BAIAP2L1: variants seen among roughly 807,000 people sequenced by gnomAD.
BAIAP2L1 encodes the protein BAR/IMD domain containing adaptor protein 2 like 1.
In BAIAP2L1, 35 loss-of-function variants were observed where a neutral mutation model predicts 66.3. The ratio of observed to expected loss-of-function variants is 0.53; its 90% confidence interval spans 0.40 to 0.70. BAIAP2L1 has a LOEUF of 0.70. BAIAP2L1 is among the 30% of genes least tolerant of loss of function. The pLI, the probability that BAIAP2L1 is intolerant of heterozygous loss-of-function variation, is 0.00. For missense variants in BAIAP2L1, 622 were observed against 656.9 expected, an observed-to-expected ratio of 0.95 and a Z score of 0.58; for synonymous variants, 269 against 248.7, an observed-to-expected ratio of 1.08 and a Z score of -0.77.
At chr7:98,294,787 T>C (rs952546178) in intron 12 of BAIAP2L1, among the ~76,000 whole-genome samples, 20 of 152,202 alleles carry the variant, frequency 1.3e-4, no homozygotes, top group African/African-American at 4.8e-4. Flanking sequence ...CCAGGGATCT[T>C]GTAGGAAGCT....
chr7:98,298,213 C>G (rs1031049291), intron 12 of BAIAP2L1, among the ~76,000 whole-genome samples: 2 of 152,224 alleles, frequency 1.3e-5, no homozygotes, highest in Non-Finnish European at 1.5e-5. Context: ...TGGGGCTTCC[C>G]AGGTGAGTGG....
intron 1 of BAIAP2L1, among the ~76,000 whole-genome samples, chr7:98,393,071 G>GTATA (rs372759485): frequency 3.6e-4 from 45 of 125,560 alleles, no homozygotes; most frequent in South Asian, 5.4e-4. Flanking sequence ...ACACATATAT[G>GTATA]TATACACACA....
intron 3 of BAIAP2L1, chr7:98,323,299 A>G (rs1801298235): frequency 6.6e-6 from 1 of 152,188 alleles, no homozygotes; most frequent in Admixed American, 6.5e-5. Context: ...TTAAACCCAC[A>G]AACAATTCCT....
intron 1 of BAIAP2L1, 59 bp from the exon 2 acceptor site, chr7:98,362,491 A>C (rs542633623): frequency 6.8e-7 from 1 of 1,462,538 alleles, no homozygotes; most frequent in East Asian, 2.3e-5. Context: ...AGTCATCTTC[A>C]GATTTTGTCA....
chr7:98,292,664 A>G lies in BAIAP2L1; in HGVS notation c.*857T>C, dbSNP rs1584404936. On this transcript the variant is annotated 3_prime_UTR_variant, in exon 14 of 14. Transcript: ENST00000005260. ...GCACCAGAGGTCATCCTGGCTTTAC[A>G]CGTATCCTTTGAGAGTCTGTACCTG... 1 of 1,551,648 alleles carries G rather than the reference A, an allele frequency of 6.4e-7. No homozygotes were observed. Among genetic ancestry groups the G allele is most frequent in the Non-Finnish European group, 8.7e-7 (1 of 1,146,994 alleles).
chr7:98,371,449 C>G (rs1377395249), intron 1 of BAIAP2L1, among the ~76,000 whole-genome samples: 2 of 152,142 alleles, frequency 1.3e-5, no homozygotes, highest in Non-Finnish European at 2.9e-5. Flanking sequence ...TAGTGATTAG[C>G]TATTCTAAAT....
At position 98,317,308 on chromosome 7, in the gene BAIAP2L1, AAG is replaced by A. The variant is rs779217526; in HGVS notation, c.395_396del (p.Ser132PhefsTer7). On this transcript the variant is annotated frameshift_variant, in exon 6 of 14. Transcript: ENST00000005260. LOFTEE classifies it high-confidence loss of function. ...TTCAACTCAGCTTGGGATTTCTCCA[AAG>A]ACTCTAATTTATTCTTGTGTTCTGT... ...YQTEHKNKLE[S>X]LEKSQAELKK... 1 of 1,614,208 alleles carries A rather than the reference AAG, an allele frequency of 6.2e-7. No individual in the cohort carries two copies. The highest frequency in any genetic ancestry group is 8.5e-7 in the Non-Finnish European group (1 of 1,180,030).
chr7:98,395,479 G>A (rs1287052162), intron 1 of BAIAP2L1, among the ~76,000 whole-genome samples: 1 of 151,756 alleles, frequency 6.6e-6, no homozygotes, highest in Admixed American at 6.6e-5. Context: ...ACCCTTGGAG[G>A]GGTGCAGCGA....
chr7:98,370,402 TAC>T (rs1262380188), intron 1 of BAIAP2L1, among the ~76,000 whole-genome samples: 1 of 147,274 alleles, frequency 6.8e-6, no homozygotes, highest in East Asian at 2.1e-4. Flanking sequence ...GATTTGCAAC[TAC>T]AGTTTGTAGT....
chr7:98,307,643 G>T, intron 10 of BAIAP2L1, 46 bp downstream of exon 10: 1 of 1,606,342 alleles, frequency 6.2e-7, no homozygotes. Context: ...CTCTGGAAGG[G>T]AGGGGCCGTC....
At chr7:98,324,732 T>TA (rs979692836) in intron 3 of BAIAP2L1, among the ~76,000 whole-genome samples, 8 of 152,174 alleles carry the variant, frequency 5.3e-5, no homozygotes, top group African/African-American at 1.9e-4. Context: ...AACATGCCTG[T>TA]AGTCCCAGCT....
intron 3 of BAIAP2L1, among the ~76,000 whole-genome samples, chr7:98,334,758 C>A (rs1457896212): frequency 1.1e-4 from 17 of 151,610 alleles, no homozygotes; most frequent in African/African-American, 3.6e-4. Flanking sequence ...ATTGGTCAGG[C>A]TGGTCTCGAA....
chr7:98,324,945 A>G (rs1170123821), intron 3 of BAIAP2L1, among the ~76,000 whole-genome samples: 1 of 152,246 alleles, frequency 6.6e-6, no homozygotes, highest in African/African-American at 2.4e-5. Flanking sequence ...AACCTGCTTC[A>G]TTTCCAGAGA....
intron 3 of BAIAP2L1, among the ~76,000 whole-genome samples, chr7:98,321,630 C>CCT (rs1346790179): frequency 6.6e-6 from 1 of 152,174 alleles, no homozygotes; most frequent in Non-Finnish European, 1.5e-5. Context: ...TGAACAAGGG[C>CCT]CTCTCTCTGC....
At chr7:98,358,506 C>T (rs1414035622) in intron 2 of BAIAP2L1, among the ~76,000 whole-genome samples, 1 of 151,670 alleles carries the variant, frequency 6.6e-6, no homozygotes, top group Admixed American at 6.6e-5. Context: ...TACAGGTGCA[C>T]GCCACCACAC....
In BAIAP2L1 at chr7:98,293,214, T is replaced by A. The variant is rs1800043824; in HGVS notation, c.*307A>T. On this transcript the variant is annotated 3_prime_UTR_variant, in exon 14 of 14. Coordinates refer to ENST00000005260, the MANE Select transcript of BAIAP2L1 (RefSeq NM_018842.5). ...GACTATCCCTTATTCTGGCTGTTATTAAGGAAAAAATTCATTTAAAAAATA... is the reference window on the plus strand; with the variant it reads ...GACTATCCCTTATTCTGGCTGTTATAAAGGAAAAAATTCATTTAAAAAATA... 6.4e-6 allele frequency: 2 copies of A among 314,800 alleles called. No individual in the cohort carries two copies. Among genetic ancestry groups the A allele is most frequent in the Admixed American group, 9.4e-5 (2 of 21,258 alleles). 19.5% of individuals were successfully genotyped at this position (314,800 alleles called of 1,614,324 possible).
intron 2 of BAIAP2L1, among the ~76,000 whole-genome samples, chr7:98,360,287 C>T (rs564021874): frequency 6.6e-6 from 1 of 152,178 alleles, no homozygotes; most frequent in East Asian, 1.9e-4. Context: ...AAGCTATCCT[C>T]CTGTCTCAGA....
chr7:98,390,327 G>A (rs1445918932), intron 1 of BAIAP2L1, among the ~76,000 whole-genome samples: 1 of 152,178 alleles, frequency 6.6e-6, no homozygotes, highest in Non-Finnish European at 1.5e-5. Flanking sequence ...AGAGGTAGGA[G>A]ATGGCGAATT....
At chr7:98,314,340 C>T (rs764207889) in intron 7 of BAIAP2L1, among the ~76,000 whole-genome samples, 17 of 152,144 alleles carry the variant, frequency 1.1e-4, no homozygotes, top group Non-Finnish European at 2.4e-4. Context: ...TGCATACATA[C>T]AAGGCCAAAG....
Sources: allele counts gnomAD v4.1 joint callset (sites outside exome capture counted in the v4.1 genomes callset), GRCh38; gene constraint gnomAD v4.1.1; transcripts MANE v1.5; gene names NCBI Gene and HGNC (gene_info 2026-07-23, HGNC 2026-07-21).